Variants in MICU3 observed in about 807,000 individuals in gnomAD.
MICU3 encodes the protein mitochondrial calcium uptake 3.
A neutral mutation model predicts 66.5 loss-of-function variants in MICU3; 62 were observed. That is an observed-to-expected ratio of 0.93 (90% CI 0.76 to 1.15). MICU3 has a LOEUF of 1.15. Ranked by LOEUF, MICU3 falls within the 50% of genes most tolerant of loss-of-function variation. The probability of loss-of-function intolerance (pLI) is 0.00; values close to 1 mark genes in which losing one functional copy is unlikely to be tolerated. For synonymous variants in MICU3, 308 were observed against 240.7 expected (o/e 1.28, Z -2.59); for missense variants, 779 against 664.4 (o/e 1.17, Z -1.90).
intron 3 of MICU3, among the ~76,000 whole-genome samples, chr8:17,076,576 A>C (rs1200141927): frequency 6.6e-6 from 1 of 152,180 alleles, no homozygotes; most frequent in African/African-American, 2.4e-5. Context: ...AAATCCCCTA[A>C]AAATGCTGTT....
chr8:17,126,318 A>G (rs1380014598), downstream of MICU3, among the ~76,000 whole-genome samples: 2 of 152,042 alleles, frequency 1.3e-5, no homozygotes, highest in Non-Finnish European at 2.9e-5. Context: ...GTTTATTACC[A>G]TATGTTTCTG....
In MICU3 at chr8:17,098,520, C is replaced by T; in HGVS notation, c.951C>T (p.Asn317=). Residue 317 remains asparagine (N), a synonymous_variant, in exon 9 of 15, where the codon AAC becomes AAT. Coordinates refer to ENST00000318063, the MANE Select transcript of MICU3 (RefSeq NM_181723.3). ...GCTATTGGGATACACTGAGACGTAA[C>T]ACAAGCCAAGCACTGTTTTCAGACC... ...SRSYWDTLRR[N]TSQALFSDLA... 6.2e-7 allele frequency: 1 copy of T among 1,611,550 alleles called. No individual in the cohort carries two copies. The highest frequency in any genetic ancestry group is 8.5e-7 in the Non-Finnish European group (1 of 1,178,172).
At chr8:17,079,590 G>C (rs992307972) in intron 4 of MICU3, among the ~76,000 whole-genome samples, 1 of 151,608 alleles carries the variant, frequency 6.6e-6, no homozygotes, top group African/African-American at 2.4e-5. Context: ...TCACCCAGGC[G>C]GGAGTGCAGT....
Position 17,069,721 on chromosome 8 carries a change from T to C in MICU3, c.567+2T>C. On this transcript the variant is annotated splice_donor_variant, in intron 3 of 14. Transcript: ENST00000318063. LOFTEE classifies it high-confidence loss of function. ...ACTTGGAAGTCACTTTCCAAACAGG[T>C]GAGTTAAAGCTCTTGGTAGATATAC... The C allele has an allele frequency of 6.5e-7, 1 of 1,538,074 alleles. No individual in the cohort carries two copies. The highest frequency in any genetic ancestry group is 8.8e-7 in the Non-Finnish European group (1 of 1,135,312).
intron 3 of MICU3, among the ~76,000 whole-genome samples, chr8:17,070,003 G>A (rs1030711129): frequency 2.0e-5 from 3 of 151,890 alleles, no homozygotes; most frequent in Admixed American, 6.6e-5. Context: ...TAAAATTGGC[G>A]ATATGCCTAC....
intron 1 of MICU3, among the ~76,000 whole-genome samples, chr8:17,059,496 A>C (rs941998405): frequency 1.3e-5 from 2 of 152,222 alleles, no homozygotes; most frequent in South Asian, 4.1e-4. Context: ...TCATTTTTAT[A>C]GACCTACCAC....
chr8:17,060,434 A>G (rs1817650502), intron 1 of MICU3, among the ~76,000 whole-genome samples: 1 of 151,970 alleles, frequency 6.6e-6, no homozygotes, highest in Admixed American at 6.6e-5. Context: ...CAGCCTCCCA[A>G]GTAGCTGGGA....
chr8:17,061,054 T>C (rs530016613), intron 1 of MICU3, among the ~76,000 whole-genome samples: 17 of 152,316 alleles, frequency 1.1e-4, no homozygotes, highest in African/African-American at 2.6e-4. Flanking sequence ...TCTGTAGTTC[T>C]GCATGTTTTC....
chr8:17,117,594 C>G (rs1585577801), intron 13 of MICU3, among the ~76,000 whole-genome samples: 1 of 150,448 alleles, frequency 6.6e-6, no homozygotes, highest in African/African-American at 2.4e-5. Context: ...CAAGAATATC[C>G]CTAAGTTTTA....
the MICU3 span, among the ~76,000 whole-genome samples, chr8:17,135,738 T>A: frequency 1.3e-5 from 2 of 152,224 alleles, no homozygotes; most frequent in South Asian, 4.1e-4. Context: ...AAATTAACAT[T>A]TTGCTGTTGA....
intron 3 of MICU3, among the ~76,000 whole-genome samples, chr8:17,076,171 A>G (rs1451752497): frequency 6.6e-6 from 1 of 151,800 alleles, no homozygotes; most frequent in African/African-American, 2.4e-5. Context: ...GGGACTATAG[A>G]TGAACGCCAC....
chr8:17,104,393 T>C lies in MICU3; in HGVS notation c.987T>C (p.Arg329=), dbSNP rs1290120472. The change falls in exon 10 of 15, where the codon CGT becomes CGC. Residue 329 remains arginine (R), a splice_region_variant and synonymous_variant. Coordinates refer to ENST00000318063, the MANE Select transcript of MICU3 (RefSeq NM_181723.3). ...TTAAATTGTGATTTTTTTTTAAGCG[T>C]GCTGATGACATCACAAGTTTAGTAA... ...SQALFSDLAE[R]ADDITSLVTD... is the part of the protein sequence containing the mutation. The C allele has an allele frequency of 7.2e-7, 1 of 1,391,964 alleles. No individual in the cohort carries two copies. 86.2% of individuals were successfully genotyped at this position (1,391,964 alleles called of 1,614,324 possible).
chr8:17,061,573 A>G (rs1392696569), intron 1 of MICU3, among the ~76,000 whole-genome samples: 2 of 152,178 alleles, frequency 1.3e-5, no homozygotes, highest in Non-Finnish European at 2.9e-5. Context: ...GCAGAATGGT[A>G]GATCGAGGCA....
chr8:17,063,538 C>G (rs1818199584), intron 1 of MICU3, among the ~76,000 whole-genome samples: 1 of 152,100 alleles, frequency 6.6e-6, no homozygotes, highest in Admixed American at 6.6e-5. Flanking sequence ...AAAATTCAGA[C>G]CAATGATGGC....
At chr8:17,068,623 T>C (rs1681313928) in intron 2 of MICU3, among the ~76,000 whole-genome samples, 1 of 152,208 alleles carries the variant, frequency 6.6e-6, no homozygotes, top group South Asian at 2.1e-4. Context: ...TTGTATCAAC[T>C]ATCTTGGATA....
chr8:17,057,645 A>G (rs1817154506), intron 1 of MICU3, among the ~76,000 whole-genome samples: 1 of 152,024 alleles, frequency 6.6e-6, no homozygotes, highest in South Asian at 2.1e-4. Flanking sequence ...TTCCCTACCA[A>G]TTTGCAAATG....
rs1210111538 is a variant in MICU3, at chr8:17,121,044, G to A, written c.*757G>A. ...GTCATGTGTTGATAGTAGAAGCAGT[G>A]GTAGTTGTTGTAACAGTAATCATTG... On this transcript the variant is annotated 3_prime_UTR_variant, in exon 15 of 15. Coordinates refer to ENST00000318063, the MANE Select transcript of MICU3 (RefSeq NM_181723.3). The A allele has an allele frequency of 6.6e-6, 1 of 151,776 alleles. No homozygotes were observed. Among genetic ancestry groups the A allele is most frequent in the East Asian group, 1.9e-4 (1 of 5,196 alleles). 9.4% of individuals were successfully genotyped at this position (151,776 alleles called of 1,614,324 possible).
chr8:17,044,500 G>C (rs1050639450), intron 1 of MICU3, among the ~76,000 whole-genome samples: 4 of 152,134 alleles, frequency 2.6e-5, no homozygotes, highest in African/African-American at 9.7e-5. Flanking sequence ...GAAAAACAAA[G>C]CACTGAAGAC....
At chr8:17,130,178 C>T in the MICU3 span, among the ~76,000 whole-genome samples, 7 of 152,056 alleles carry the variant, frequency 4.6e-5, no homozygotes, top group South Asian at 4.1e-4. Context: ...AAGTTCACCA[C>T]GTAAATGATA....
Sources: gnomAD v4.1 joint callset for allele counts (sites outside exome capture counted in the v4.1 genomes callset) on GRCh38, gnomAD v4.1.1 for gene constraint, MANE v1.5 for transcripts, NCBI Gene and HGNC (gene_info 2026-07-23, HGNC 2026-07-21) for gene names.